The following TAF1 variants were observed in gnomAD, a reference collection of about 807,000 sequenced individuals.
The protein encoded by TAF1 is TATA-box binding protein associated factor 1.
Under a neutral mutation model 138.5 loss-of-function variants are expected in TAF1, and 2 were observed. The observed-to-expected ratio is 0.01, with a 90% CI of 0.01 to 0.05. The LOEUF is 0.05. TAF1 is among the 10% of genes least tolerant of loss of function. The pLI is 1.00. For missense variants in TAF1, 709 were observed against 1,478.0 expected, an observed-to-expected ratio of 0.48 and a Z score of 8.53; for synonymous variants, 437 against 503.2, an observed-to-expected ratio of 0.87 and a Z score of 1.76.
At chrX:71,409,630 C>G (rs1290143281) in intron 28 of TAF1, among the ~76,000 whole-genome samples, 1 of 111,272 alleles carries the variant, frequency 9.0e-6, no homozygotes, top group Non-Finnish European at 1.9e-5. Flanking sequence ...ATACCCTCCT[C>G]AGTTTTCTCA....
chrX:71,381,942 T>C (rs994915122), intron 9 of TAF1, 23 bp downstream of exon 9: 1 of 1,121,578 alleles, frequency 8.9e-7, no homozygotes, highest in Non-Finnish European at 1.2e-6. Context: ...CAGAGGCCAG[T>C]GTTTCTTCTC....
At position 71,464,100 on chromosome X, in the gene TAF1, T is replaced by A; in HGVS notation, c.*54T>A. 1 of 1,066,054 alleles carries A rather than the reference T, an allele frequency of 9.4e-7. No homozygotes were observed. Among genetic ancestry groups the A allele is most frequent in the Admixed American group, 2.7e-5 (1 of 37,658 alleles). The allele number at this position is 1,066,054 out of a possible 1,213,427, so 87.9% of individuals were successfully genotyped here. A position where few individuals can be genotyped will look rare whatever the true frequency, so the allele number is the denominator to read the frequency against. On this transcript the variant is annotated 3_prime_UTR_variant, in exon 38 of 38. Coordinates refer to ENST00000423759, the MANE Select transcript of TAF1 (RefSeq NM_004606.5). ...TTCCCTGTTCTCCAGCCTAGGTGGT[T>A]CACCTTTCCCCAATTTGTTCATATT...
At chrX:71,528,396 G>T in intron 13 of TAF1, 8 of 257,760 alleles carry the variant, frequency 3.1e-5, no homozygotes, top group South Asian at 3.0e-4. Flanking sequence ...ATGACAGTGG[G>T]TACTTTCAGA....
At chrX:71,483,780 C>CTCTATATATATA (rs1164519184) in intron 13 of TAF1, among the ~76,000 whole-genome samples, 1 of 37,572 alleles carries the variant, frequency 2.7e-5, no homozygotes, top group South Asian at 2.2e-3. Context: ...CTCTCTCTCT[C>CTCTATATATATA]TATATATATA....
intron 32 of TAF1, among the ~76,000 whole-genome samples, chrX:71,443,269 G>A (rs894749377): frequency 1.5e-4 from 17 of 111,967 alleles, no homozygotes; most frequent in Non-Finnish European, 5.6e-5. Context: ...CCATTTTCAC[G>A]ATATTGATTC....
intron 25 of TAF1, 44 bp downstream of exon 25, chrX:71,401,783 G>C (rs1365682563): frequency 6.1e-6 from 7 of 1,156,677 alleles, no homozygotes; most frequent in Non-Finnish European, 8.3e-6. Flanking sequence ...AGATTTATTT[G>C]AGGTTGGTTA....
At chrX:71,519,119 G>A (rs1446079380) in intron 13 of TAF1, among the ~76,000 whole-genome samples, 1 of 108,688 alleles carries the variant, frequency 9.2e-6, no homozygotes, top group Non-Finnish European at 1.9e-5. Context: ...TCAGGAGATC[G>A]AGACCATCCT....
At chrX:71,393,094 G>T in intron 20 of TAF1, 100 bp downstream of exon 20, 1 of 1,083,360 alleles carries the variant, frequency 9.2e-7, no homozygotes, top group Non-Finnish European at 1.2e-6. Context: ...GAACTTTATT[G>T]TAGGGTATAG....
rs1285158756 is a variant in TAF1, at chrX:71,393,011, A to G, written c.3051+17A>G. ...GAGGAAGAGGTGAGTGTGGAAGTGGAAAATTTAGAGTATACTAGGGGCTTT... is the reference window on the plus strand; with the variant it reads ...GAGGAAGAGGTGAGTGTGGAAGTGGGAAATTTAGAGTATACTAGGGGCTTT... On this transcript the variant is annotated intron_variant, in intron 20 of 37. Coordinates refer to ENST00000423759, the MANE Select transcript of TAF1 (RefSeq NM_004606.5). 7 of 1,208,596 alleles carry G rather than the reference A, an allele frequency of 5.8e-6. No individual in the cohort carries two copies. Among genetic ancestry groups the G allele is most frequent in the Non-Finnish European group, 7.8e-6 (7 of 894,669 alleles).
At chrX:71,389,745 C>G (rs772544483) in intron 18 of TAF1, 80 bp downstream of exon 18, 1 of 804,953 alleles carries the variant, frequency 1.2e-6, no homozygotes, top group Non-Finnish European at 1.8e-6. Context: ...ATTGAGATAA[C>G]ATAAAATAAA....
chrX:71,451,872 ACTT>A (rs1233964931), intron 32 of TAF1, among the ~76,000 whole-genome samples: 1 of 112,298 alleles, frequency 8.9e-6, no homozygotes, highest in Admixed American at 9.4e-5. Context: ...TCCCATGTCT[ACTT>A]CTTACTACAC....
chrX:71,495,627 A>G (rs1346450428), intron 13 of TAF1, among the ~76,000 whole-genome samples: 1 of 112,035 alleles, frequency 8.9e-6, no homozygotes, highest in Non-Finnish European at 1.9e-5. Flanking sequence ...CACTGCTGCC[A>G]AAGAGTCTAT....
chrX:71,512,657 A>C (rs1186440881), intron 13 of TAF1, among the ~76,000 whole-genome samples: 1 of 111,263 alleles, frequency 9.0e-6, no homozygotes, highest in Non-Finnish European at 1.9e-5. Flanking sequence ...GTCTGTACTA[A>C]AAATACAAAA....
At position 71,382,636 on chromosome X, in the gene TAF1, A is replaced by T. The variant is rs201191689; in HGVS notation, c.1638A>T (p.Thr546=). The T allele has an allele frequency of 1.1e-5, 13 of 1,211,588 alleles. No individual in the cohort carries two copies. The Admixed American group carries it at 2.8e-4, about 26-fold the overall frequency. Residue 546 remains threonine, a synonymous_variant, in exon 10 of 38, where the codon ACA becomes ACT. Coordinates refer to ENST00000423759, the MANE Select transcript of TAF1 (RefSeq NM_004606.5). ...AGAGTCGAATTCTCTTAGGGAAAAC[A>T]GGAGTCATCAAGGAGGAACCACAGC... The part of the protein sequence containing the change: ...LKKSRILLGK[T]GVIKEEPQQN...
At chrX:71,380,843 G>A (rs1458941469) in intron 8 of TAF1, among the ~76,000 whole-genome samples, 3 of 110,887 alleles carry the variant, frequency 2.7e-5, no homozygotes, top group South Asian at 3.8e-4. Context: ...GGCGTGCACC[G>A]CTGTGCCCAG....
At position 71,383,946 on chromosome X, in the gene TAF1, T is replaced by C; in HGVS notation, c.1948-16T>C. On this transcript the variant is annotated splice_polypyrimidine_tract_variant and intron_variant, in intron 12 of 37. Coordinates refer to ENST00000423759, the MANE Select transcript of TAF1 (RefSeq NM_004606.5). ...TCCTGTCAGGAGCTAGATGGTATTT[T>C]CTTTGTTCTGGACAGATGAGAGAAC... 2 of 1,203,460 alleles carry C rather than the reference T, an allele frequency of 1.7e-6. No homozygotes were observed. The highest frequency in any genetic ancestry group is 1.1e-6 in the Non-Finnish European group (1 of 891,708).
downstream of TAF1, among the ~76,000 whole-genome samples, chrX:71,469,387 A>G (rs2038837961): frequency 9.0e-6 from 1 of 111,404 alleles, no homozygotes; most frequent in Non-Finnish European, 1.9e-5. Context: ...TTAAGTGTAG[A>G]AAAGGTCTGG....
At chrX:71,377,930 T>C in intron 6 of TAF1, 109 bp downstream of exon 6, 4 of 915,562 alleles carry the variant, frequency 4.4e-6, no homozygotes, top group Non-Finnish European at 5.9e-6. Flanking sequence ...GCAGATAGAA[T>C]CTGTGCTAAT....
Position 71,421,293 on chromosome X carries a change from TTCTGTTCC to T in TAF1, c.4385-12_4385-5del. Reference sequence around the variant, plus strand: ...TCCCGTTATTAGTGGTTTCATCTCTTTCTGTTCCTCTACAGGGCCAAAACACTCATTGA... The same window carrying T: ...TCCCGTTATTAGTGGTTTCATCTCTTTCTACAGGGCCAAAACACTCATTGA... On this transcript the variant is annotated splice_region_variant and splice_polypyrimidine_tract_variant and intron_variant, in intron 28 of 37. Coordinates refer to ENST00000423759, the MANE Select transcript of TAF1 (RefSeq NM_004606.5). 8.3e-7 allele frequency: 1 copy of T among 1,205,015 alleles called. No individual in the cohort carries two copies. Among genetic ancestry groups the T allele is most frequent in the Non-Finnish European group, 1.1e-6 (1 of 890,069 alleles).
Sources: gnomAD v4.1 joint callset for allele counts (sites outside exome capture counted in the v4.1 genomes callset) on GRCh38, gnomAD v4.1.1 for gene constraint, MANE v1.5 for transcripts, NCBI Gene and HGNC (gene_info 2026-07-23, HGNC 2026-07-21) for gene names.